TMCO4: variants seen among roughly 807,000 people sequenced by gnomAD.
The protein encoded by TMCO4 is transmembrane and coiled-coil domains 4.
Under a neutral mutation model 64.7 loss-of-function variants are expected in TMCO4, and 58 were observed. The ratio of observed to expected loss-of-function variants is 0.90; its 90% confidence interval spans 0.73 to 1.12. The LOEUF (loss-of-function observed/expected upper bound fraction) is 1.12, where lower values mean the gene tolerates loss of function less well. Ranked by LOEUF, TMCO4 falls within the 50% of genes most tolerant of loss-of-function variation. TMCO4 has a pLI of 0.00. For missense variants in TMCO4, 780 were observed against 825.9 expected (o/e 0.94, Z 0.68); for synonymous variants, 325 against 346.1 (o/e 0.94, Z 0.68).
At chr1:19,755,250 C>T (rs1020063916) in intron 7 of TMCO4, among the ~76,000 whole-genome samples, 21 of 152,198 alleles carry the variant, frequency 1.4e-4, no homozygotes, top group Non-Finnish European at 2.2e-4. Context: ...CTCAGCCTCC[C>T]GAGTAGCTGG....
At chr1:19,780,903 T>C in intron 3 of TMCO4, 137 bp from the exon 4 acceptor site, 1 of 718,172 alleles carries the variant, frequency 1.4e-6, no homozygotes, top group South Asian at 2.0e-5. Flanking sequence ...TCATCACCTT[T>C]AGGAGAGTGA....
At chr1:19,763,171 G>T (rs550857342) in intron 6 of TMCO4, among the ~76,000 whole-genome samples, 6 of 152,032 alleles carry the variant, frequency 3.9e-5, no homozygotes, top group African/African-American at 1.5e-4. Flanking sequence ...CGTCTCCAGG[G>T]TTCAAGCGAT....
intron 13 of TMCO4, among the ~76,000 whole-genome samples, chr1:19,717,682 G>A (rs995644755): frequency 2.0e-5 from 3 of 151,974 alleles, no homozygotes; most frequent in Admixed American, 6.6e-5. Context: ...TGCCTGCCTC[G>A]AAGCCTCTCG....
rs776984482 is a variant in TMCO4 at position 19,745,608 on chromosome 1, C to T, written c.801G>A (p.Thr267=). 21 of 1,613,956 alleles carry T rather than the reference C, an allele frequency of 1.3e-5. No individual in the cohort carries two copies. The highest frequency in any genetic ancestry group is 1.7e-5 in the Non-Finnish European group (20 of 1,179,988). The change falls in exon 10 of 16, where the codon ACG becomes ACA. Residue 267 remains threonine (T), a synonymous_variant. Coordinates refer to ENST00000294543, the MANE Select transcript of TMCO4 (RefSeq NM_181719.7). ...KKRVGAIEEF[T]FLPLTEGRQL... ...GCCTGCCCTCCGTCAGAGGCAGAAACGTGAACTCTTCAATGGCTCCCACTC... is the reference window on the plus strand; with the variant it reads ...GCCTGCCCTCCGTCAGAGGCAGAAATGTGAACTCTTCAATGGCTCCCACTC...
At position 19,732,939 on chromosome 1, in the gene TMCO4, T is replaced by C. The variant is rs1332580667; in HGVS notation, c.1264+4433A>G. On this transcript the variant is annotated intron_variant, in intron 13 of 15. Coordinates refer to ENST00000294543, the MANE Select transcript of TMCO4 (RefSeq NM_181719.7). This position sits in a 1 kb window ranked among gnomAD's most constrained non-coding sequence, Gnocchi z 4.8. Reference sequence around the variant, plus strand: ...CTTTTTTTCTTTCTTCTCGTTTTTCTTTTTTGCTGACTACCTACTCATCTG... The same window carrying C: ...CTTTTTTTCTTTCTTCTCGTTTTTCCTTTTTGCTGACTACCTACTCATCTG... Among the ~76,000 whole-genome samples the C allele has an allele frequency of 1.3e-5, 2 of 152,012 alleles. No homozygotes were observed. Among genetic ancestry groups the C allele is most frequent in the Non-Finnish European group, 2.9e-5 (2 of 68,024 alleles).
chr1:19,696,428 T>A (rs531327405), intron 14 of TMCO4, among the ~76,000 whole-genome samples: 1 of 152,162 alleles, frequency 6.6e-6, no homozygotes, highest in South Asian at 2.1e-4. Context: ...TGTGTGCCTG[T>A]GGTCCCAGCT....
intron 13 of TMCO4, among the ~76,000 whole-genome samples, chr1:19,731,570 G>A (rs903809723): frequency 4.6e-5 from 7 of 152,240 alleles, no homozygotes; most frequent in Non-Finnish European, 1.0e-4. Flanking sequence ...GCTTCTCAGC[G>A]GAGAAGAGCC....
At chr1:19,722,241 C>T (rs758764049) in intron 13 of TMCO4, among the ~76,000 whole-genome samples, 16 of 152,076 alleles carry the variant, frequency 1.1e-4, no homozygotes, top group Non-Finnish European at 1.6e-4. Context: ...GCTCATGGGA[C>T]GAAAGAATGA....
intron 5 of TMCO4, among the ~76,000 whole-genome samples, chr1:19,771,084 T>C (rs186005096): frequency 1.8e-4 from 28 of 152,254 alleles, no homozygotes; most frequent in African/African-American, 6.5e-4. Flanking sequence ...ACTTCAAGAA[T>C]TAGATGAGTT....
Position 19,776,745 on chromosome 1 carries a change from C to T in TMCO4, c.179+3835G>A, listed in dbSNP as rs568813611. Among the ~76,000 whole-genome samples the T allele has an allele frequency of 4.1e-4, 63 of 152,126 alleles. 1 individual carries two copies. Among genetic ancestry groups the T allele is most frequent in the African/African-American group, 1.5e-3 (62 of 41,534 alleles). On this transcript the variant is annotated intron_variant, in intron 4 of 15. Coordinates refer to ENST00000294543, the MANE Select transcript of TMCO4 (RefSeq NM_181719.7). ...GATGGAGGTTGAAAACAGCAAAAGC[C>T]AGGCGGCCGCGGTGGCTCACGCCTG...
At chr1:19,725,059 T>C (rs1481910105) in intron 13 of TMCO4, among the ~76,000 whole-genome samples, 1 of 152,158 alleles carries the variant, frequency 6.6e-6, no homozygotes, top group Non-Finnish European at 1.5e-5. Context: ...CCTTCTTTCA[T>C]GTCATTCTCA....
At chr1:19,719,970 C>T (rs946460733) in intron 13 of TMCO4, among the ~76,000 whole-genome samples, 8 of 150,600 alleles carry the variant, frequency 5.3e-5, no homozygotes, top group African/African-American at 9.8e-5. Context: ...CCAGCCTGGA[C>T]GACAGAGAGA....
intron 13 of TMCO4, among the ~76,000 whole-genome samples, chr1:19,702,186 G>A (rs1276763848): frequency 6.6e-6 from 1 of 150,614 alleles, no homozygotes; most frequent in Admixed American, 6.7e-5. Context: ...AGCCAGGATG[G>A]TCCTGATCTC....
chr1:19,685,937 C>T (rs1294034600), intron 15 of TMCO4, among the ~76,000 whole-genome samples: 1 of 152,000 alleles, frequency 6.6e-6, no homozygotes, highest in African/African-American at 2.4e-5. Context: ...CTGTGTTAGC[C>T]AGGATGGTCT....
chr1:19,700,611 C>T (rs2095265454), intron 14 of TMCO4, among the ~76,000 whole-genome samples, 157 bp downstream of exon 14: 1 of 152,248 alleles, frequency 6.6e-6, no homozygotes, highest in Non-Finnish European at 1.5e-5. Context: ...ATCACCAGGC[C>T]TGGGCCTGCT....
intron 13 of TMCO4, among the ~76,000 whole-genome samples, chr1:19,719,141 C>T (rs1392761106): frequency 6.6e-6 from 1 of 152,184 alleles, no homozygotes; most frequent in Non-Finnish European, 1.5e-5. Context: ...AGATTATTCC[C>T]AGCCATGGCA....
chr1:19,708,944 C>G (rs750878449), intron 13 of TMCO4, among the ~76,000 whole-genome samples: 1 of 152,118 alleles, frequency 6.6e-6, no homozygotes, highest in Admixed American at 6.6e-5. Flanking sequence ...TTCCTGACTG[C>G]GGGTCCAGTA....
intron 2 of TMCO4, among the ~76,000 whole-genome samples, chr1:19,790,348 C>G (rs146900502): frequency 0.023 from 3,548 of 152,160 alleles, 145 homozygotes; most frequent in African/African-American, 0.081. Context: ...AGCTTCTGCA[C>G]AGCAAAAGAA....
At chr1:19,792,524 T>C (rs1301888291) in intron 2 of TMCO4, among the ~76,000 whole-genome samples, 2 of 152,324 alleles carry the variant, frequency 1.3e-5, no homozygotes, top group East Asian at 1.9e-4. Flanking sequence ...TGTTGACTGA[T>C]GCCATAAACA....
Sources: gnomAD v4.1 joint callset for allele counts (sites outside exome capture counted in the v4.1 genomes callset) on GRCh38, gnomAD v4.1.1 for gene constraint, Gnocchi (gnomAD v3.1) non-coding constraint, MANE v1.5 for transcripts, NCBI Gene and HGNC (gene_info 2026-07-23, HGNC 2026-07-21) for gene names.